SLC1A2: variants seen among roughly 807,000 people sequenced by gnomAD.
The protein encoded by SLC1A2 is solute carrier family 1 member 2, also known as excitatory amino acid transporter 2.
SLC1A2 carries 15 observed loss-of-function variants against 48.8 expected under a neutral mutation model. The ratio of observed to expected loss-of-function variants is 0.31; its 90% confidence interval spans 0.21 to 0.47. The LOEUF (loss-of-function observed/expected upper bound fraction) is 0.47, where lower values mean the gene tolerates loss of function less well. Ranked by LOEUF, SLC1A2 falls within the 20% of genes least tolerant of loss-of-function variation. The pLI is 0.99. For synonymous variants in SLC1A2, 279 were observed against 272.6 expected (o/e 1.02, Z -0.23); for missense variants, 502 against 730.5 (o/e 0.69, Z 3.61).
chr11:35,353,666 C>T (rs925096989), intron 1 of SLC1A2, among the ~76,000 whole-genome samples: 1 of 152,180 alleles, frequency 6.6e-6, no homozygotes, highest in Non-Finnish European at 1.5e-5. Flanking sequence ...TGGCAAATAT[C>T]CCTAATAGCA....
intron 1 of SLC1A2, among the ~76,000 whole-genome samples, chr11:35,339,409 G>A (rs1048502121): frequency 6.6e-6 from 1 of 152,122 alleles, no homozygotes; most frequent in Non-Finnish European, 1.5e-5. Context: ...GCTTTGAAGG[G>A]GACAGACTCC....
At chr11:35,269,888 T>C (rs1348783794) in intron 9 of SLC1A2, among the ~76,000 whole-genome samples, 1 of 152,126 alleles carries the variant, frequency 6.6e-6, no homozygotes, top group African/African-American at 2.4e-5. Context: ...GGTGGGTGGA[T>C]TACTTGAGGT....
chr11:35,291,145 T>C (rs1358362047), intron 7 of SLC1A2, among the ~76,000 whole-genome samples: 2 of 152,338 alleles, frequency 1.3e-5, no homozygotes, highest in African/African-American at 2.4e-5. Flanking sequence ...CCACCTGTTT[T>C]ATGATTCAGT....
At chr11:35,354,844 ACCAGAAG>A (rs994304071) in intron 1 of SLC1A2, among the ~76,000 whole-genome samples, 5 of 152,194 alleles carry the variant, frequency 3.3e-5, no homozygotes, top group African/African-American at 7.2e-5. Context: ...ACAAATAGAT[ACCAGAAG>A]CCTGGCCTAG....
At position 35,400,217 on chromosome 11, in the gene SLC1A2, G is replaced by A. The variant is rs80006838; in HGVS notation, c.17+18733C>T. Among the ~76,000 whole-genome samples the A allele has an allele frequency of 2.7e-3, 406 of 152,248 alleles. 4 individuals are homozygous for A. Among genetic ancestry groups the A allele is most frequent in the East Asian group, 0.025 (128 of 5,184 alleles). ...GAGACAGGTCAGCATAGGTGTACAT[G>A]CAAAACGTTTATAATAGTGAAAAAT... On this transcript the variant is annotated intron_variant, in intron 1 of 10. Coordinates refer to ENST00000278379, the MANE Select transcript of SLC1A2 (RefSeq NM_004171.4).
At chr11:35,331,975 A>C (rs1852445304) in intron 1 of SLC1A2, among the ~76,000 whole-genome samples, 1 of 152,124 alleles carries the variant, frequency 6.6e-6, no homozygotes, top group South Asian at 2.1e-4. Context: ...TGGAGGTACT[A>C]AGGGGACCCA....
chr11:35,261,816 T>G, intron 10 of SLC1A2: 1 of 398,300 alleles, frequency 2.5e-6, no homozygotes. Context: ...ACTTTCTTCT[T>G]ACCCAAGTGG....
intron 1 of SLC1A2, among the ~76,000 whole-genome samples, chr11:35,401,312 C>G (rs1855133485): frequency 6.6e-6 from 1 of 152,202 alleles, no homozygotes; most frequent in African/African-American, 2.4e-5. Context: ...CCACAAGAGA[C>G]AGCTTTTGCA....
chr11:35,379,408 C>T (rs1401990728), intron 1 of SLC1A2, among the ~76,000 whole-genome samples: 1 of 152,128 alleles, frequency 6.6e-6, no homozygotes, highest in Non-Finnish European at 1.5e-5. Flanking sequence ...TTTCAATAGG[C>T]AATACAGACT....
chr11:35,392,093 G>A (rs543123991), intron 1 of SLC1A2, among the ~76,000 whole-genome samples: 77 of 152,138 alleles, frequency 5.1e-4, no homozygotes, highest in African/African-American at 1.8e-3. Flanking sequence ...CACCCTTATC[G>A]TCCCATTCCA....
chr11:35,290,009 A>C (rs552556862), intron 7 of SLC1A2, among the ~76,000 whole-genome samples: 58 of 152,344 alleles, frequency 3.8e-4, no homozygotes, highest in African/African-American at 1.4e-3. Context: ...AAAGATATGC[A>C]TATCCCATGA....
intron 9 of SLC1A2, among the ~76,000 whole-genome samples, chr11:35,267,279 T>C (rs1449950725): frequency 6.6e-6 from 1 of 152,222 alleles, no homozygotes; most frequent in Non-Finnish European, 1.5e-5. Flanking sequence ...AATTTGTCCC[T>C]TGGCTGTTTG....
chr11:35,334,215 C>T (rs1046719318), intron 1 of SLC1A2, among the ~76,000 whole-genome samples: 1 of 152,152 alleles, frequency 6.6e-6, no homozygotes, highest in African/African-American at 2.4e-5. Context: ...TATCATCAGG[C>T]TTCCATTGCT....
At chr11:35,300,924 T>G (rs1343160877) in intron 6 of SLC1A2, among the ~76,000 whole-genome samples, 1 of 151,822 alleles carries the variant, frequency 6.6e-6, no homozygotes, top group Non-Finnish European at 1.5e-5. Flanking sequence ...GGGGCTGAGG[T>G]GGGAGGATCA....
In SLC1A2 at chr11:35,283,866, T is replaced by G. The variant is rs548570970; in HGVS notation, c.1287-2865A>C. Among the ~76,000 whole-genome samples the G allele has an allele frequency of 2.6e-5, 4 of 152,052 alleles. No homozygotes were observed. In the South Asian group the frequency reaches 8.3e-4, roughly 32 times the overall value. ...TACTCATGATGTCACAGCCACATTT[T>G]TCTTTAATATTCTAGGAGTATTGTG... On this transcript the variant is annotated intron_variant, in intron 8 of 10. Coordinates refer to ENST00000278379, the MANE Select transcript of SLC1A2 (RefSeq NM_004171.4).
intron 1 of SLC1A2, 61 bp from the exon 2 acceptor site, chr11:35,317,577 G>A (rs904239310): frequency 8.7e-5 from 136 of 1,556,196 alleles, no homozygotes; most frequent in Non-Finnish European, 1.1e-4. Context: ...CAGTTTCAGG[G>A]GCTCGACTAG....
chr11:35,382,795 CA>C (rs11352014), intron 1 of SLC1A2, among the ~76,000 whole-genome samples: 19,814 of 128,368 alleles, frequency 0.15, 1,296 homozygotes, highest in Middle Eastern at 0.24. Flanking sequence ...GACTCAGTCT[CA>C]AAAAAAAAAA....
intron 7 of SLC1A2, among the ~76,000 whole-genome samples, chr11:35,288,661 T>C (rs1433756917): frequency 6.6e-6 from 1 of 152,192 alleles, no homozygotes; most frequent in East Asian, 1.9e-4. Context: ...CATCAAATGG[T>C]CTTTGGACAA....
rs1950283935 is a variant in SLC1A2 at position 35,254,313 on chromosome 11, A to G, written c.*6581T>C. ...ATGCAATGCTGAGGTTTTCCAGGAGAAAGAGAAAGGGAGGGAGTTAAGGTG... is the reference window on the plus strand; with the variant it reads ...ATGCAATGCTGAGGTTTTCCAGGAGGAAGAGAAAGGGAGGGAGTTAAGGTG... On this transcript the variant is annotated 3_prime_UTR_variant, in exon 11 of 11. Coordinates refer to ENST00000278379, the MANE Select transcript of SLC1A2 (RefSeq NM_004171.4). The G allele has an allele frequency of 6.4e-6, 1 of 155,944 alleles. No individual in the cohort carries two copies. The highest frequency in any genetic ancestry group is 1.4e-5 in the Non-Finnish European group (1 of 70,030). 9.7% of individuals were successfully genotyped at this position (155,944 alleles called of 1,614,324 possible). A position where few individuals can be genotyped will look rare whatever the true frequency, so the allele number is the denominator to read the frequency against.
Sources: gnomAD v4.1 joint callset for allele counts (sites outside exome capture counted in the v4.1 genomes callset) on GRCh38, gnomAD v4.1.1 for gene constraint, MANE v1.5 for transcripts, NCBI Gene and HGNC (gene_info 2026-07-23, HGNC 2026-07-21) for gene names.